Variants in ANKRD31 observed in about 807,000 individuals in gnomAD.
The protein encoded by ANKRD31 is ankyrin repeat domain 31.
ANKRD31 carries 147 observed loss-of-function variants against 186.0 expected under a neutral mutation model. The ratio of observed to expected loss-of-function variants is 0.79; its 90% CI spans 0.69 to 0.91. The LOEUF is 0.91. Ranked by LOEUF, ANKRD31 falls within the 40% of genes least tolerant of loss-of-function variation. The pLI is 0.00. For missense variants in ANKRD31, 1,986 were observed against 2,148.8 expected (o/e 0.92, Z 1.50); for synonymous variants, 673 against 736.4 (o/e 0.91, Z 1.39).
chr5:75,100,367 T>G (rs1380955990), intron 22 of ANKRD31, among the ~76,000 whole-genome samples: 2 of 152,234 alleles, frequency 1.3e-5, no homozygotes, highest in African/African-American at 4.8e-5. Context: ...TTGGAATAAG[T>G]GCAACGTGGT....
At chr5:75,137,757 T>A in intron 17 of ANKRD31, 99 bp downstream of exon 17, 1 of 1,159,276 alleles carries the variant, frequency 8.6e-7, no homozygotes, top group Non-Finnish European at 1.1e-6. Flanking sequence ...AATCACTTGT[T>A]TTACTGAATC....
chr5:75,082,181 G>A (rs994627413), intron 24 of ANKRD31, among the ~76,000 whole-genome samples: 1 of 152,186 alleles, frequency 6.6e-6, no homozygotes, highest in Non-Finnish European at 1.5e-5. Context: ...TGTGGAGAAT[G>A]CACCCTATTA....
At chr5:75,167,564 T>C (rs1753016975) in intron 11 of ANKRD31, among the ~76,000 whole-genome samples, 1 of 152,208 alleles carries the variant, frequency 6.6e-6, no homozygotes, top group African/African-American at 2.4e-5. Flanking sequence ...GCCAAGAGCA[T>C]ATGAACCACA....
In ANKRD31 at chr5:75,080,638, T is replaced by C; in HGVS notation, c.5577A>G (p.Glu1859=). 1 of 1,527,224 alleles carries C rather than the reference T, an allele frequency of 6.5e-7. No individual in the cohort carries two copies. Among genetic ancestry groups the C allele is most frequent in the South Asian group, 1.2e-5 (1 of 80,824 alleles). The allele number at this position is 1,527,224 out of a possible 1,614,324, so 94.6% of individuals were successfully genotyped here. A position where few individuals can be genotyped will look rare whatever the true frequency, so the allele number is the denominator to read the frequency against. ...GTACTGGGTCATCTAAACAAGCAAC[T>C]TCTGAAAGTGAAACAAAACGTTAGT... ...VPQQYQPCLP[E]VACLDDPVQE... The change falls in exon 25 of 26, where the codon GAA becomes GAG. Residue 1859 remains glutamate (E), a splice_region_variant and synonymous_variant. Transcript: ENST00000506364.
At position 75,147,353 on chromosome 5, in the gene ANKRD31, G is replaced by A. The variant is rs1443139646; in HGVS notation, c.2058C>T (p.Pro686=). The change falls in exon 14 of 26, where the codon CCC becomes CCT. Residue 686 remains proline, a synonymous_variant. Coordinates refer to ENST00000506364, the MANE Select transcript of ANKRD31 (RefSeq NM_001372053.1). ...TGGATTTACCAAATTTTGTGTTTTT[G>A]GGATCTTTTTGGTAATATTCATATA... ...EDVYEYYQKD[P]KNTKFGKSKH... 2.0e-6 allele frequency: 3 copies of A among 1,532,426 alleles called. No homozygotes were observed. In the South Asian group the frequency reaches 3.6e-5, roughly 18 times the overall value. 94.9% of individuals were successfully genotyped at this position (1,532,426 alleles called of 1,614,324 possible). A position where few individuals can be genotyped will look rare whatever the true frequency, so the allele number is the denominator to read the frequency against.
intron 22 of ANKRD31, among the ~76,000 whole-genome samples, chr5:75,095,473 C>CAA (rs61017772): frequency 0.2 from 29,278 of 144,524 alleles, 2,977 homozygotes; most frequent in African/African-American, 0.25. Flanking sequence ...GACTCCGTCT[C>CAA]AAAAAAAAAA....
chr5:75,098,320 T>C (rs1311392428), intron 22 of ANKRD31, among the ~76,000 whole-genome samples: 1 of 152,090 alleles, frequency 6.6e-6, no homozygotes, highest in Non-Finnish European at 1.5e-5. Flanking sequence ...ACCATGCTGT[T>C]TTGGTTACTG....
In ANKRD31 at chr5:75,147,510, A is replaced by G; in HGVS notation, c.1906-5T>C. 7.0e-7 allele frequency: 1 copy of G among 1,424,272 alleles called. No homozygotes were observed. Among genetic ancestry groups the G allele is most frequent in the Non-Finnish European group, 9.2e-7 (1 of 1,092,364 alleles). The allele number at this position is 1,424,272 out of a possible 1,614,324, so 88.2% of individuals were successfully genotyped here. A position where few individuals can be genotyped will look rare whatever the true frequency, so the allele number is the denominator to read the frequency against. ...TTTAGAACTGAACTTTGGTTTCTAT[A>G]GAAAAAAAATACATAGTTAGCTTTA... is the stretch of plus-strand genomic sequence containing the variant. On this transcript the variant is annotated splice_region_variant and splice_polypyrimidine_tract_variant and intron_variant, in intron 13 of 25. Coordinates refer to ENST00000506364, the MANE Select transcript of ANKRD31 (RefSeq NM_001372053.1).
chr5:75,134,847 A>G (rs191075977), intron 17 of ANKRD31, among the ~76,000 whole-genome samples: 13 of 152,278 alleles, frequency 8.5e-5, no homozygotes, highest in African/African-American at 7.2e-5. Context: ...TCCCTGGGAT[A>G]CAAGGCTGGT....
intron 4 of ANKRD31, among the ~76,000 whole-genome samples, chr5:75,209,543 G>A (rs1756474798): frequency 6.6e-6 from 1 of 152,096 alleles, no homozygotes; most frequent in African/African-American, 2.4e-5. Context: ...CAGACAAGGT[G>A]GCACACACCT....
chr5:75,158,203 A>T (rs1752325176), intron 11 of ANKRD31, among the ~76,000 whole-genome samples: 1 of 152,208 alleles, frequency 6.6e-6, no homozygotes, highest in Non-Finnish European at 1.5e-5. Flanking sequence ...TATAAGCCAC[A>T]CCAGATCCAA....
intron 10 of ANKRD31, among the ~76,000 whole-genome samples, chr5:75,180,487 TA>T (rs1468125280): frequency 6.6e-6 from 1 of 152,126 alleles, no homozygotes; most frequent in African/African-American, 2.4e-5. Flanking sequence ...CAAAGTATAC[TA>T]CAAGGCTACA....
At chr5:75,142,559 T>C (rs1751124161) in intron 15 of ANKRD31, among the ~76,000 whole-genome samples, 1 of 152,198 alleles carries the variant, frequency 6.6e-6, no homozygotes. Context: ...TTCTGTTTCT[T>C]CTGGGTTCCT....
intron 10 of ANKRD31, among the ~76,000 whole-genome samples, chr5:75,183,263 A>C (rs1164099497): frequency 6.6e-6 from 1 of 152,232 alleles, no homozygotes; most frequent in African/African-American, 2.4e-5. Context: ...GTACGTCAAC[A>C]CAATAAATCC....
At position 75,226,358 on chromosome 5, in the gene ANKRD31, C is replaced by G. The variant is rs113169692; in HGVS notation, c.179-4000G>C. Among the ~76,000 whole-genome samples the G allele has an allele frequency of 3.0e-3, 458 of 152,142 alleles. 3 individuals are homozygous for G. The highest frequency in any genetic ancestry group is 9.8e-3 in the African/African-American group (407 of 41,510). On this transcript the variant is annotated intron_variant, in intron 2 of 25. Coordinates refer to ENST00000506364, the MANE Select transcript of ANKRD31 (RefSeq NM_001372053.1). ...GCAGGCCTTGGGCAAGACTCAGTAC[C>G]GTGCTGGGTTCAGGTCTGACCCAGT...
At chr5:75,211,195 T>C (rs1282461657) in intron 3 of ANKRD31, among the ~76,000 whole-genome samples, 2 of 152,210 alleles carry the variant, frequency 1.3e-5, no homozygotes, top group Non-Finnish European at 2.9e-5. Flanking sequence ...CCATTCTGCT[T>C]TCTGTCTTTA....
At chr5:75,071,789 C>A (rs1054158704) in intron 25 of ANKRD31, among the ~76,000 whole-genome samples, 2 of 152,062 alleles carry the variant, frequency 1.3e-5, no homozygotes, top group African/African-American at 4.8e-5. Flanking sequence ...TGAGCCACCG[C>A]GCCCGGCCGA....
At chr5:75,124,431 G>C (rs1461402404) in intron 17 of ANKRD31, among the ~76,000 whole-genome samples, 1 of 152,076 alleles carries the variant, frequency 6.6e-6, no homozygotes, top group Admixed American at 6.6e-5. Context: ...TCACTACTGG[G>C]TATATACCCA....
At chr5:75,220,618 GACA>G (rs1258850867) in intron 3 of ANKRD31, among the ~76,000 whole-genome samples, 4 of 147,276 alleles carry the variant, frequency 2.7e-5, no homozygotes, top group Non-Finnish European at 4.4e-5. Flanking sequence ...CGCCAGACTG[GACA>G]ACAAGAGCAA....
Sources: gnomAD v4.1 joint callset for allele counts (sites outside exome capture counted in the v4.1 genomes callset) on GRCh38, gnomAD v4.1.1 for gene constraint, MANE v1.5 for transcripts, NCBI Gene and HGNC (gene_info 2026-07-23, HGNC 2026-07-21) for gene names.